The following CCDC126 variants were observed in gnomAD, a reference collection of about 807,000 sequenced individuals.
The protein encoded by CCDC126 is coiled-coil domain containing 126, also known as coiled-coil domain-containing protein 126.
Under a neutral mutation model 11.7 loss-of-function variants are expected in CCDC126, and 5 were observed. The ratio of observed to expected loss-of-function variants is 0.43; its 90% CI spans 0.22 to 0.90. The LOEUF (loss-of-function observed/expected upper bound fraction) is 0.90, where lower values mean the gene tolerates loss of function less well. CCDC126 is among the 40% of genes least tolerant of loss of function. The pLI is 0.27. For missense variants in CCDC126, 150 were observed against 163.1 expected (o/e 0.92, Z 0.44); for synonymous variants, 60 against 61.9 (o/e 0.97, Z 0.14).
chr7:23,627,603 TAGGAG>T (rs940749327), intron 3 of CCDC126, among the ~76,000 whole-genome samples: 2 of 151,856 alleles, frequency 1.3e-5, no homozygotes, highest in Admixed American at 1.3e-4. Context: ...ATAAATATTT[TAGGAG>T]AATAATTTTT....
At position 23,604,620 on chromosome 7, in the gene CCDC126, C is replaced by A. The variant is rs768651257; in HGVS notation, c.-145-6551C>A. ...CCAGTATTAAATAGGTATTGTTGTCCCCATTATATAAGTGAGGATATCAGG... is the reference window on the plus strand; with the variant it reads ...CCAGTATTAAATAGGTATTGTTGTCACCATTATATAAGTGAGGATATCAGG... On this transcript the variant is annotated intron_variant, in intron 2 of 3. Transcript: ENST00000307471. Among the ~76,000 whole-genome samples, 78 of 151,720 alleles carry A rather than the reference C, an allele frequency of 5.1e-4. 1 individual carries two copies. Among genetic ancestry groups the A allele is most frequent in the Non-Finnish European group, 3.1e-4 (21 of 67,954 alleles).
intron 3 of CCDC126, among the ~76,000 whole-genome samples, chr7:23,636,285 C>G (rs1286280916): frequency 6.6e-6 from 1 of 151,936 alleles, no homozygotes; most frequent in Non-Finnish European, 1.5e-5. Flanking sequence ...GCCGCCACCC[C>G]GTCTGGGAAG....
Position 23,617,602 on chromosome 7 carries a change from T to C in CCDC126, c.238+6049T>C, listed in dbSNP as rs113192040. ...TCTTTGGGTATATCCTTAATATTTA[T>C]AATGACTTCTCATACCAACTACCTG... is the stretch of plus-strand genomic sequence containing the variant. On this transcript the variant is annotated intron_variant, in intron 3 of 3. Transcript: ENST00000307471. Among the ~76,000 whole-genome samples, 27 of 152,178 alleles carry C rather than the reference T, an allele frequency of 1.8e-4. 2 individuals carry two copies. The highest frequency in any genetic ancestry group is 4.3e-4 in the African/African-American group (18 of 41,526).
chr7:23,599,506 T>A (rs1299810173), intron 2 of CCDC126, among the ~76,000 whole-genome samples: 6 of 151,534 alleles, frequency 4.0e-5, no homozygotes, highest in African/African-American at 1.5e-4. Context: ...ATAGGTTTTG[T>A]TGTTTTTTTT....
chr7:23,640,989 T>C (rs186183548), intron 3 of CCDC126, among the ~76,000 whole-genome samples: 52 of 145,942 alleles, frequency 3.6e-4, no homozygotes, highest in Admixed American at 9.6e-4. Flanking sequence ...CTGAATCCTT[T>C]TGGTTTTTTT....
At chr7:23,612,836 T>C (rs1782740097) in intron 3 of CCDC126, among the ~76,000 whole-genome samples, 2 of 152,228 alleles carry the variant, frequency 1.3e-5, no homozygotes, top group African/African-American at 4.8e-5. Context: ...CCAGTATTGT[T>C]TATTGCTGTT....
chr7:23,603,642 T>C (rs1325518148), intron 2 of CCDC126, among the ~76,000 whole-genome samples: 1 of 152,132 alleles, frequency 6.6e-6, no homozygotes, highest in Non-Finnish European at 1.5e-5. Context: ...ATGGATTAGG[T>C]TTCTTCTCAG....
At chr7:23,601,700 TTTGA>T (rs139015688) in intron 2 of CCDC126, among the ~76,000 whole-genome samples, 94 of 152,304 alleles carry the variant, frequency 6.2e-4, no homozygotes, top group Non-Finnish European at 1.2e-3. Context: ...TGATTCTTTG[TTTGA>T]TTTAATTAAT....
At chr7:23,619,601 C>CT in intron 3 of CCDC126, 1 of 207,854 alleles carries the variant, frequency 4.8e-6, no homozygotes, top group South Asian at 8.1e-5. Flanking sequence ...TTTTATTATA[C>CT]TTTAAGTTCT....
At chr7:23,602,129 T>C (rs1782555926) in intron 2 of CCDC126, 1 of 152,230 alleles carries the variant, frequency 6.6e-6, no homozygotes, top group Non-Finnish European at 1.5e-5. Flanking sequence ...AGTAGCATAA[T>C]GGAGCTTGGA....
intron 3 of CCDC126, among the ~76,000 whole-genome samples, chr7:23,612,422 T>G (rs1169173301): frequency 1.7e-5 from 2 of 117,510 alleles, no homozygotes; most frequent in East Asian, 2.5e-4. Flanking sequence ...TTGTGGTGAG[T>G]CGAGATTGTG....
At chr7:23,641,786 C>T (rs1243478230) in intron 3 of CCDC126, among the ~76,000 whole-genome samples, 2 of 152,154 alleles carry the variant, frequency 1.3e-5, no homozygotes, top group Non-Finnish European at 2.9e-5. Context: ...ACTGAAACTC[C>T]ATAACATTAC....
chr7:23,636,585 C>T (rs1368449597), intron 3 of CCDC126, among the ~76,000 whole-genome samples: 3 of 128,886 alleles, frequency 2.3e-5, no homozygotes, highest in South Asian at 2.9e-4. Flanking sequence ...CGTCTCTGCC[C>T]GGCCGCCCCG....
At chr7:23,638,727 T>TAAAAAAAAAAAAAAAAAAAC (rs1783292496) in intron 3 of CCDC126, among the ~76,000 whole-genome samples, 2 of 89,670 alleles carry the variant, frequency 2.2e-5, no homozygotes, top group African/African-American at 4.0e-5. Context: ...AAAAAAAAAT[T>TAAAAAAAAAAAAAAAAAAAC]AAAAAAAAAA....
intron 3 of CCDC126, among the ~76,000 whole-genome samples, chr7:23,634,115 T>A (rs1236172327): frequency 6.6e-6 from 1 of 152,160 alleles, no homozygotes; most frequent in African/African-American, 2.4e-5. Flanking sequence ...CAGCTGACAT[T>A]AAGAGTACAA....
At position 23,612,501 on chromosome 7, in the gene CCDC126, A is replaced by C. The variant is rs113191167; in HGVS notation, c.238+948A>C. 9.6e-5 allele frequency among the ~76,000 whole-genome samples: 13 copies of C among 134,994 alleles called. 1 individual carries two copies. The highest frequency in any genetic ancestry group is 2.3e-4 in the African/African-American group (8 of 34,842). The allele number at this position is 134,994 out of a possible 152,430, so 88.6% of individuals were successfully genotyped here. On this transcript the variant is annotated intron_variant, in intron 3 of 3. Coordinates refer to ENST00000307471, the MANE Select transcript of CCDC126 (RefSeq NM_138771.4). ...AAAAAAAAAAAAAAAAAAAAAAAAAACAAAGAAAAAAGAAAAAAAAAATTA... is the reference window on the plus strand; with the variant it reads ...AAAAAAAAAAAAAAAAAAAAAAAAACCAAAGAAAAAAGAAAAAAAAAATTA...
At chr7:23,615,575 C>A (rs781047972) in intron 3 of CCDC126, among the ~76,000 whole-genome samples, 2 of 152,208 alleles carry the variant, frequency 1.3e-5, no homozygotes, top group Non-Finnish European at 1.5e-5. Context: ...TTTCAACATG[C>A]CTTCCTCACT....
At chr7:23,634,205 G>A (rs1783163534) in intron 3 of CCDC126, among the ~76,000 whole-genome samples, 1 of 152,194 alleles carries the variant, frequency 6.6e-6, no homozygotes, top group Non-Finnish European at 1.5e-5. Context: ...CAGCCCTTTG[G>A]GAGGCTGAGG....
At chr7:23,603,844 G>T (rs1425089493) in intron 2 of CCDC126, among the ~76,000 whole-genome samples, 1 of 152,188 alleles carries the variant, frequency 6.6e-6, no homozygotes. Context: ...ACTAGGCTCT[G>T]TGGGGGATGT....
Sources: gnomAD v4.1 joint callset for allele counts (sites outside exome capture counted in the v4.1 genomes callset) on GRCh38, gnomAD v4.1.1 for gene constraint, MANE v1.5 for transcripts, NCBI Gene and HGNC (gene_info 2026-07-23, HGNC 2026-07-21) for gene names.